The following ROBO2 variants were observed in gnomAD, a reference collection of about 807,000 sequenced individuals.
ROBO2 encodes roundabout homolog 2.
In ROBO2, 53 loss-of-function variants were observed where a neutral mutation model predicts 160.8. The observed-to-expected ratio is 0.33, with a 90% CI of 0.26 to 0.41. The LOEUF (loss-of-function observed/expected upper bound fraction) is 0.41, where lower values mean the gene tolerates loss of function less well. ROBO2 is among the 10% of genes least tolerant of loss of function. The pLI is 1.00. For missense variants in ROBO2, 1,577 were observed against 1,722.4 expected, an observed-to-expected ratio of 0.92 and a Z score of 1.49; for synonymous variants, 664 against 611.7, an observed-to-expected ratio of 1.09 and a Z score of -1.26.
intron 2 of ROBO2, among the ~76,000 whole-genome samples, chr3:76,076,890 G>A (rs2068661143): frequency 1.3e-5 from 2 of 152,154 alleles, no homozygotes; most frequent in African/African-American, 4.8e-5. Context: ...TGTCGAACTA[G>A]CCCTGGTAAA....
At chr3:77,173,721 A>AT (rs2079861472) in intron 2 of ROBO2, among the ~76,000 whole-genome samples, 1 of 152,126 alleles carries the variant, frequency 6.6e-6, no homozygotes, top group Admixed American at 6.6e-5. Flanking sequence ...TTATTGTTAC[A>AT]TATCTTGTTC....
chr3:75,987,491 G>A (rs1035559862), intron 2 of ROBO2, among the ~76,000 whole-genome samples: 9 of 151,744 alleles, frequency 5.9e-5, no homozygotes, highest in Admixed American at 4.6e-4. Context: ...ATTACGCTGT[G>A]TACAAACAGA....
chr3:76,642,341 C>CTTTTTTTTTTT lies in ROBO2; in HGVS notation c.110-455654_110-455644dup, dbSNP rs71104611. On this transcript the variant is annotated intron_variant, in intron 2 of 26. Coordinates refer to the ROBO2 transcript ENST00000487694. ...GCTAATTCAGAAATATTTACACTTG[C>CTTTTTTTTTTT]TTTTTTTTTTTTTTTTTTTTTTTTT... Among the ~76,000 whole-genome samples the CTTTTTTTTTTT allele has an allele frequency of 2.1e-4, 13 of 62,218 alleles. 1 individual carries two copies. The highest frequency in any genetic ancestry group is 6.5e-4 in the African/African-American group (9 of 13,908). The allele number at this position is 62,218 out of a possible 152,430, so 40.8% of individuals were successfully genotyped here. A position where few individuals can be genotyped will look rare whatever the true frequency, so the allele number is the denominator to read the frequency against.
At chr3:77,527,057 G>C (rs117623956) in intron 6 of ROBO2, among the ~76,000 whole-genome samples, 1 of 151,404 alleles carries the variant, frequency 6.6e-6, no homozygotes, top group Non-Finnish European at 1.5e-5. Flanking sequence ...TCTGTGACTT[G>C]AATAGTTATA....
At chr3:76,460,063 CTAAT>C (rs768744800) in intron 2 of ROBO2, among the ~76,000 whole-genome samples, 1 of 151,966 alleles carries the variant, frequency 6.6e-6, no homozygotes, top group South Asian at 2.1e-4. Context: ...AAAATGTTCT[CTAAT>C]TATCCTCCAT....
intron 2 of ROBO2, among the ~76,000 whole-genome samples, chr3:77,219,470 A>ATATG (rs2085467701): frequency 1.3e-4 from 6 of 45,996 alleles, no homozygotes; most frequent in Non-Finnish European, 3.4e-4. Context: ...GTATCTGTGT[A>ATATG]TATATATATA....
chr3:77,042,615 A>G (rs1359003791), intron 1 of ROBO2, among the ~76,000 whole-genome samples: 2 of 152,208 alleles, frequency 1.3e-5, no homozygotes, highest in East Asian at 1.9e-4. Context: ...TTGGAGATAT[A>G]TGAAACAAAT....
At chr3:76,630,769 T>A (rs1236384425) in intron 2 of ROBO2, among the ~76,000 whole-genome samples, 1 of 152,212 alleles carries the variant, frequency 6.6e-6, no homozygotes, top group African/African-American at 2.4e-5. Context: ...AATGTTTTTT[T>A]AAAAACACAG....
chr3:77,466,288 G>A (rs536300981), intron 2 of ROBO2, among the ~76,000 whole-genome samples: 85 of 152,206 alleles, frequency 5.6e-4, no homozygotes, highest in Non-Finnish European at 6.9e-4. Flanking sequence ...ATTTTGTGAT[G>A]TGGACATATC....
chr3:76,444,828 T>C (rs2077091401), intron 2 of ROBO2, among the ~76,000 whole-genome samples: 2 of 152,306 alleles, frequency 1.3e-5, no homozygotes, highest in South Asian at 4.1e-4. Context: ...TTTACCGCTT[T>C]TTTACTCAAA....
intron 2 of ROBO2, among the ~76,000 whole-genome samples, chr3:76,666,934 C>A (rs1263296699): frequency 6.7e-6 from 1 of 148,738 alleles, no homozygotes; most frequent in Non-Finnish European, 1.5e-5. Flanking sequence ...GATAATATTT[C>A]TATGTCTATA....
chr3:76,862,915 A>T (rs987095514), intron 2 of ROBO2, among the ~76,000 whole-genome samples: 2 of 152,064 alleles, frequency 1.3e-5, no homozygotes, highest in African/African-American at 4.8e-5. Flanking sequence ...TTGCCTTTAC[A>T]ACTGCCTTGA....
chr3:76,037,029 G>A (rs1035287568), intron 2 of ROBO2, among the ~76,000 whole-genome samples: 6 of 151,584 alleles, frequency 4.0e-5, no homozygotes, highest in African/African-American at 1.2e-4. Flanking sequence ...TTCTGATTTC[G>A]ACTCCCTATT....
intron 2 of ROBO2, among the ~76,000 whole-genome samples, chr3:76,849,009 T>C (rs1261500587): frequency 6.6e-6 from 1 of 152,202 alleles, no homozygotes; most frequent in Admixed American, 6.5e-5. Flanking sequence ...ATAAAAAGTT[T>C]TTTAGTTGTT....
At chr3:77,452,126 A>G (rs1402949741) in intron 2 of ROBO2, among the ~76,000 whole-genome samples, 1 of 152,134 alleles carries the variant, frequency 6.6e-6, no homozygotes, top group Non-Finnish European at 1.5e-5. Flanking sequence ...GACAAAAATG[A>G]ATATCTCATT....
chr3:77,301,330 G>A (rs1268783731), intron 2 of ROBO2, among the ~76,000 whole-genome samples: 2 of 151,956 alleles, frequency 1.3e-5, no homozygotes, highest in Non-Finnish European at 1.5e-5. Flanking sequence ...GGGGAGACTG[G>A]TGTTAAAACA....
intron 2 of ROBO2, among the ~76,000 whole-genome samples, chr3:77,257,104 A>T (rs907229137): frequency 1.3e-5 from 2 of 152,224 alleles, no homozygotes; most frequent in Non-Finnish European, 2.9e-5. Context: ...GTTGTCAATA[A>T]TTAAGAGCTA....
chr3:76,498,952 G>T (rs933523461), intron 2 of ROBO2, among the ~76,000 whole-genome samples: 1 of 152,150 alleles, frequency 6.6e-6, no homozygotes, highest in African/African-American at 2.4e-5. Flanking sequence ...CTCCCAAAGT[G>T]CTGGGATTAC....
intron 2 of ROBO2, among the ~76,000 whole-genome samples, chr3:75,992,369 A>G (rs990614445): frequency 1.3e-5 from 2 of 152,150 alleles, no homozygotes; most frequent in African/African-American, 2.4e-5. Context: ...AACAGAGGCC[A>G]AGCTCAGCCC....
Sources: allele counts gnomAD v4.1 joint callset (sites outside exome capture counted in the v4.1 genomes callset), GRCh38; gene constraint gnomAD v4.1.1; transcripts MANE v1.5; gene names NCBI Gene and HGNC (gene_info 2026-07-23, HGNC 2026-07-21).